The following OR52N4 variants were observed in gnomAD, a reference collection of about 807,000 sequenced individuals.
OR52N4 encodes olfactory receptor 52N4.
OR52N4 carries 15 observed loss-of-function variants against 15.0 expected under a neutral mutation model. The ratio of observed to expected loss-of-function variants is 1.00; its 90% CI spans 0.67 to 1.54. OR52N4 has a LOEUF of 1.54. OR52N4 is among the 40% of genes most tolerant of loss of function. The pLI, the probability that OR52N4 is intolerant of heterozygous loss-of-function variation, is 0.00. For synonymous variants in OR52N4, 143 were observed against 143.7 expected (o/e 1.00, Z 0.03); for missense variants, 421 against 394.0 (o/e 1.07, Z -0.58).
chr11:5,749,929 A>G (rs1407252238), upstream of OR52N4, among the ~76,000 whole-genome samples: 1 of 151,958 alleles, frequency 6.6e-6, no homozygotes, highest in Admixed American at 6.6e-5. Context: ...AAACTATTTT[A>G]AATGTTTTAG....
the OR52N4 span, chr11:5,737,396 T>C: frequency 2.4e-5 from 39 of 1,613,900 alleles, no homozygotes; most frequent in Non-Finnish European, 3.3e-5. Flanking sequence ...CATCCCCCCT[T>C]CCCTCAACCC....
the OR52N4 span, chr11:5,737,463 T>G: frequency 6.2e-7 from 1 of 1,612,282 alleles, no homozygotes; most frequent in South Asian, 1.1e-5. Context: ...AAGGTGCTGT[T>G]TGCCCTTACA....
chr11:5,729,351 A>C, the OR52N4 span, among the ~76,000 whole-genome samples: 2 of 151,786 alleles, frequency 1.3e-5, no homozygotes, highest in Non-Finnish European at 2.9e-5. Context: ...CGATCTCCTG[A>C]CCTTGTGATC....
upstream of OR52N4, among the ~76,000 whole-genome samples, chr11:5,751,027 C>G (rs1303919274): frequency 6.6e-6 from 1 of 151,802 alleles, no homozygotes; most frequent in Admixed American, 6.6e-5. Flanking sequence ...TATAGAAAAA[C>G]CTTATCAAAC....
chr11:5,747,916 A>G, the OR52N4 span, among the ~76,000 whole-genome samples: 1 of 152,146 alleles, frequency 6.6e-6, no homozygotes, highest in Admixed American at 6.5e-5. Context: ...AACTTGGCAC[A>G]TAACTATTGT....
chr11:5,755,234 C>T lies in OR52N4; in HGVS notation c.494C>T (p.Thr165Ile), dbSNP rs369558336. ...CTCATTATTCCCTTTACTTTCCTCACCAAGCTCCTGCCCTACTGCAGAGGC... is the reference window on the plus strand; with the variant it reads ...CTCATTATTCCCTTTACTTTCCTCATCAAGCTCCTGCCCTACTGCAGAGGC... ...VLLIIPFTFL[T>I]KLLPYCRGNI... is the part of the protein sequence containing the mutation. The change falls in exon 2 of 2, where the codon ACC becomes ATC. Residue 165 changes from threonine (T) to isoleucine (I), a missense_variant. Thr to Ile is a moderately conservative substitution (Grantham distance 89). Transcript: ENST00000641350. 1 of 1,613,926 alleles carries T rather than the reference C, an allele frequency of 6.2e-7. No homozygotes were observed. Among genetic ancestry groups the T allele is most frequent in the Non-Finnish European group, 8.5e-7 (1 of 1,179,996 alleles).
chr11:5,737,535 T>G, the OR52N4 span: 2 of 1,532,732 alleles, frequency 1.3e-6, no homozygotes, highest in Non-Finnish European at 1.8e-6. Context: ...TCTCCTAAAC[T>G]GGATAGTAAA....
At chr11:5,737,002 CTTAT>C in the OR52N4 span, 99 of 1,614,000 alleles carry the variant, frequency 6.1e-5, no homozygotes, top group Middle Eastern at 6.6e-4. Context: ...TGAGAAATGG[CTTAT>C]TTGTCACTCC....
At chr11:5,732,118 T>C in the OR52N4 span, among the ~76,000 whole-genome samples, 9 of 152,158 alleles carry the variant, frequency 5.9e-5, no homozygotes, top group East Asian at 1.9e-4. Context: ...CGTTGTACAA[T>C]AGTTCTTGAA....
the OR52N4 span, chr11:5,737,251 G>C: frequency 6.2e-7 from 1 of 1,613,974 alleles, no homozygotes; most frequent in Non-Finnish European, 8.5e-7. Flanking sequence ...CTGCAGCCAA[G>C]GCCCTGAGCA....
chr11:5,733,733 A>ACT, the OR52N4 span, among the ~76,000 whole-genome samples: 1 of 152,152 alleles, frequency 6.6e-6, no homozygotes, highest in African/African-American at 2.4e-5. Flanking sequence ...CACAGACAGA[A>ACT]CTAAATATGT....
chr11:5,755,602 C>T lies in OR52N4; in HGVS notation c.862C>T (p.Pro288Ser), dbSNP rs762846937. The change falls in exon 2 of 2, where the codon CCC becomes TCC. Residue 288 changes from proline to serine, a missense_variant. Transcript: ENST00000641350. ...AGCCAATATTTATCTGCTCCTACCA[C>T]CCACTATGAACCCTATTGTCTATGG... ...IVANIYLLLP[P>S]TMNPIVYGVK... The T allele has an allele frequency of 1.2e-6, 2 of 1,613,908 alleles. No individual in the cohort carries two copies. Among genetic ancestry groups the T allele is most frequent in the Admixed American group, 1.7e-5 (1 of 59,996 alleles).
upstream of OR52N4, among the ~76,000 whole-genome samples, chr11:5,751,654 G>A (rs1336971974): frequency 6.6e-6 from 1 of 151,886 alleles, no homozygotes; most frequent in Non-Finnish European, 1.5e-5. Context: ...TTACTTATTT[G>A]TTTATTTATT....
the OR52N4 span, among the ~76,000 whole-genome samples, chr11:5,746,211 C>T: frequency 6.6e-6 from 1 of 151,878 alleles, no homozygotes. Context: ...TAGAAGAAAA[C>T]CTAGGAAAAA....
the OR52N4 span, among the ~76,000 whole-genome samples, chr11:5,748,420 G>T: frequency 6.6e-6 from 1 of 151,034 alleles, no homozygotes; most frequent in African/African-American, 2.4e-5. Context: ...TTTAATTATT[G>T]TATCATAATG....
chr11:5,729,060 C>G, the OR52N4 span, among the ~76,000 whole-genome samples: 3 of 150,786 alleles, frequency 2.0e-5, no homozygotes, highest in East Asian at 5.8e-4. Context: ...CACAACAGAC[C>G]CCGGTGTGTG....
At chr11:5,749,096 T>C in the OR52N4 span, among the ~76,000 whole-genome samples, 1 of 151,392 alleles carries the variant, frequency 6.6e-6, no homozygotes, top group Non-Finnish European at 1.5e-5. Flanking sequence ...AAGGAATTTA[T>C]AGGCTGATAG....
the OR52N4 span, among the ~76,000 whole-genome samples, chr11:5,728,466 C>T: frequency 6.6e-6 from 1 of 152,140 alleles, no homozygotes; most frequent in African/African-American, 2.4e-5. Context: ...GCTTTCTGTC[C>T]ACTCCTCACC....
chr11:5,749,042 T>C, the OR52N4 span, among the ~76,000 whole-genome samples: 19 of 151,956 alleles, frequency 1.3e-4, no homozygotes, highest in Non-Finnish European at 2.2e-4. Context: ...TTGGGACACA[T>C]AACATGTATT....
Sources: gnomAD v4.1 joint callset for allele counts (sites outside exome capture counted in the v4.1 genomes callset) on GRCh38, gnomAD v4.1.1 for gene constraint, MANE v1.5 for transcripts, NCBI Gene and HGNC (gene_info 2026-07-23, HGNC 2026-07-21) for gene names.